IL1RAPL1: variants seen among roughly 807,000 people sequenced by gnomAD.
IL1RAPL1 encodes interleukin-1 receptor accessory protein-like 1.
Under a neutral mutation model 48.4 loss-of-function variants are expected in IL1RAPL1, and 3 were observed. The observed-to-expected ratio is 0.06, with a 90% CI of 0.03 to 0.16. The LOEUF is 0.16. Ranked by LOEUF, IL1RAPL1 falls within the 10% of genes least tolerant of loss-of-function variation. The pLI is 1.00. For synonymous variants in IL1RAPL1, 185 were observed against 187.7 expected (o/e 0.99, Z 0.12); for missense variants, 349 against 530.6 (o/e 0.66, Z 3.36).
At chrX:29,876,279 C>G (rs895040393) in intron 6 of IL1RAPL1, among the ~76,000 whole-genome samples, 1 of 111,749 alleles carries the variant, frequency 8.9e-6, no homozygotes, top group African/African-American at 3.3e-5. Flanking sequence ...ATATGCCAAC[C>G]TCAGAGTGGG....
At chrX:28,818,765 C>T (rs1309531830) in intron 2 of IL1RAPL1, among the ~76,000 whole-genome samples, 2 of 110,450 alleles carry the variant, frequency 1.8e-5, no homozygotes, top group East Asian at 5.7e-4. Flanking sequence ...CACTTAAGTT[C>T]CTGAGCTAAA....
At chrX:29,543,227 A>G (rs1193927696) in intron 5 of IL1RAPL1, among the ~76,000 whole-genome samples, 1 of 108,451 alleles carries the variant, frequency 9.2e-6, no homozygotes, top group Non-Finnish European at 1.9e-5. Flanking sequence ...TATGATACTC[A>G]GTAACTGTGC....
chrX:28,607,410 A>T (rs1482628984), intron 1 of IL1RAPL1, among the ~76,000 whole-genome samples: 1 of 111,475 alleles, frequency 9.0e-6, no homozygotes, highest in Non-Finnish European at 1.9e-5. Context: ...CCATTTTTTA[A>T]AATTGCTCTT....
At chrX:28,926,637 T>C (rs1923750230) in intron 2 of IL1RAPL1, among the ~76,000 whole-genome samples, 1 of 111,973 alleles carries the variant, frequency 8.9e-6, no homozygotes, top group Non-Finnish European at 1.9e-5. Flanking sequence ...TATTGACTAA[T>C]CTCATTTTGA....
intron 3 of IL1RAPL1, among the ~76,000 whole-genome samples, chrX:29,395,954 A>G (rs1383436585): frequency 8.9e-6 from 1 of 112,699 alleles, no homozygotes; most frequent in African/African-American, 3.2e-5. Context: ...TTCTGGACCT[A>G]AATCTTCCTT....
chrX:29,812,140 CT>C (rs762314036), intron 6 of IL1RAPL1, among the ~76,000 whole-genome samples: 4 of 112,035 alleles, frequency 3.6e-5, no homozygotes, highest in Non-Finnish European at 7.5e-5. Flanking sequence ...CTGGAGAGGA[CT>C]TTATGATTTA....
chrX:29,760,429 C>T (rs756585249), intron 6 of IL1RAPL1, among the ~76,000 whole-genome samples: 2 of 111,606 alleles, frequency 1.8e-5, no homozygotes, highest in African/African-American at 6.5e-5. Flanking sequence ...GTATTATCTC[C>T]TAGAACTGCA....
chrX:29,190,389 A>G (rs759281176), intron 2 of IL1RAPL1, among the ~76,000 whole-genome samples: 41 of 112,169 alleles, frequency 3.7e-4, no homozygotes, highest in Non-Finnish European at 6.4e-4. Flanking sequence ...TTCAGTAGCA[A>G]CCATATTCCT....
Position 29,816,978 on chromosome X carries a change from G to GTATA in IL1RAPL1, c.779-100470_779-100467dup, listed in dbSNP as rs35793039. ...TATATATCCTCTACTTTATGTGTGT[G>GTATA]TATATATATATATATATATCTCCTC... On this transcript the variant is annotated intron_variant, in intron 6 of 10. Coordinates refer to ENST00000378993, the MANE Select transcript of IL1RAPL1 (RefSeq NM_014271.4). Among the ~76,000 whole-genome samples the GTATA allele has an allele frequency of 2.0e-3, 209 of 104,623 alleles. 1 individual carries two copies. Among genetic ancestry groups the GTATA allele is most frequent in the African/African-American group, 6.7e-3 (193 of 28,965 alleles). 90.9% of individuals were successfully genotyped at this position (104,623 alleles called of 115,157 possible).
At chrX:29,221,117 C>G (rs1175729508) in intron 2 of IL1RAPL1, among the ~76,000 whole-genome samples, 1 of 110,981 alleles carries the variant, frequency 9.0e-6, no homozygotes, top group East Asian at 2.8e-4. Flanking sequence ...ATGGGGCCAC[C>G]ACACCCGGCC....
intron 2 of IL1RAPL1, among the ~76,000 whole-genome samples, chrX:29,254,003 A>G (rs1285832499): frequency 9.0e-6 from 1 of 111,640 alleles, no homozygotes; most frequent in South Asian, 3.7e-4. Context: ...GCGGGACTTA[A>G]AAGGTAAATC....
chrX:29,938,929 C>T (rs1933079397), intron 8 of IL1RAPL1, among the ~76,000 whole-genome samples: 1 of 112,199 alleles, frequency 8.9e-6, no homozygotes, highest in South Asian at 3.7e-4. Flanking sequence ...ACTTTTATTG[C>T]TGAGTATATT....
At chrX:28,955,466 A>C (rs1297314744) in intron 2 of IL1RAPL1, among the ~76,000 whole-genome samples, 1 of 110,922 alleles carries the variant, frequency 9.0e-6, no homozygotes, top group Non-Finnish European at 1.9e-5. Context: ...ATAAGGTATA[A>C]GGAAGGGATC....
At chrX:29,462,129 T>C (rs767919343) in intron 5 of IL1RAPL1, among the ~76,000 whole-genome samples, 1 of 109,548 alleles carries the variant, frequency 9.1e-6, no homozygotes, top group South Asian at 3.8e-4. Context: ...TGGCACATCA[T>C]AGAATGAGTA....
chrX:29,131,823 A>G (rs1167721920), intron 2 of IL1RAPL1, among the ~76,000 whole-genome samples: 1 of 111,643 alleles, frequency 9.0e-6, no homozygotes, highest in Non-Finnish European at 1.9e-5. Flanking sequence ...CAAGGTAGAA[A>G]TGCAGACAGC....
At chrX:29,347,119 C>T (rs146337469) in intron 3 of IL1RAPL1, among the ~76,000 whole-genome samples, 1 of 110,766 alleles carries the variant, frequency 9.0e-6, no homozygotes, top group Non-Finnish European at 1.9e-5. Context: ...TTACCCGACC[C>T]TGTGGATGCC....
chrX:28,869,448 C>T lies in IL1RAPL1; in HGVS notation c.82+80023C>T, dbSNP rs1185179107. Among the ~76,000 whole-genome samples, 3 of 80,862 alleles carry T rather than the reference C, an allele frequency of 3.7e-5. No individual in the cohort carries two copies. The East Asian group carries it at 1.2e-3, about 32-fold the overall frequency. 70.2% of individuals were successfully genotyped at this position (80,862 alleles called of 115,157 possible). A position where few individuals can be genotyped will look rare whatever the true frequency, so the allele number is the denominator to read the frequency against. On this transcript the variant is annotated intron_variant, in intron 2 of 10. Transcript: ENST00000378993. ...TTATTTGCTATACATTATAGTCAAG[C>T]CTGTAGCTGAATAAAGTATACCTTG...
chrX:29,540,189 A>C (rs1343517387), intron 5 of IL1RAPL1, among the ~76,000 whole-genome samples: 1 of 111,217 alleles, frequency 9.0e-6, no homozygotes, highest in Non-Finnish European at 1.9e-5. Flanking sequence ...ATAGTGACAA[A>C]AAATAAAATA....
intron 3 of IL1RAPL1, among the ~76,000 whole-genome samples, chrX:29,341,411 A>G (rs1933072810): frequency 8.9e-6 from 1 of 112,266 alleles, no homozygotes; most frequent in Non-Finnish European, 1.9e-5. Context: ...ACTCATTTGC[A>G]TACTAAAAAT....
Sources: allele counts gnomAD v4.1 joint callset (sites outside exome capture counted in the v4.1 genomes callset), GRCh38; gene constraint gnomAD v4.1.1; transcripts MANE v1.5; gene names NCBI Gene and HGNC (gene_info 2026-07-23, HGNC 2026-07-21).